Variants in GRIP1 observed in about 807,000 individuals in gnomAD.
GRIP1 encodes glutamate receptor-interacting protein 1.
Under a neutral mutation model 129.9 loss-of-function variants are expected in GRIP1, and 45 were observed. The observed-to-expected ratio is 0.35, with a 90% CI of 0.27 to 0.44. The LOEUF (loss-of-function observed/expected upper bound fraction) is 0.44. GRIP1 is among the 20% of genes least tolerant of loss of function. The probability of loss-of-function intolerance (pLI) is 1.00; values close to 1 mark genes in which losing one functional copy is unlikely to be tolerated. For missense variants in GRIP1, 1,196 were observed against 1,396.8 expected, an observed-to-expected ratio of 0.86 and a Z score of 2.29; for synonymous variants, 530 against 520.8, an observed-to-expected ratio of 1.02 and a Z score of -0.24.
At chr12:66,829,533 A>G (rs1222091621) in intron 1 of GRIP1, among the ~76,000 whole-genome samples, 1 of 152,112 alleles carries the variant, frequency 6.6e-6, no homozygotes, top group Non-Finnish European at 1.5e-5. Context: ...CTAACCCTTG[A>G]TCCTTCCTTT....
At chr12:66,407,730 T>C (rs562584173) in intron 15 of GRIP1, among the ~76,000 whole-genome samples, 1 of 152,264 alleles carries the variant, frequency 6.6e-6, no homozygotes, top group Admixed American at 6.5e-5. Flanking sequence ...CACGCTAAAG[T>C]GTTCTTGGGT....
At chr12:66,700,523 C>A (rs971040100) in intron 1 of GRIP1, among the ~76,000 whole-genome samples, 1 of 151,786 alleles carries the variant, frequency 6.6e-6, no homozygotes, top group Non-Finnish European at 1.5e-5. Flanking sequence ...TCACAGCTCA[C>A]TGCAGCCTCA....
chr12:66,687,800 C>A (rs2034837465), intron 1 of GRIP1, among the ~76,000 whole-genome samples: 1 of 152,150 alleles, frequency 6.6e-6, no homozygotes, highest in Admixed American at 6.5e-5. Flanking sequence ...CCTACGTCTA[C>A]CCCTCCAGGT....
At chr12:66,783,898 AG>A (rs2038235822) in intron 1 of GRIP1, among the ~76,000 whole-genome samples, 1 of 152,188 alleles carries the variant, frequency 6.6e-6, no homozygotes, top group African/African-American at 2.4e-5. Context: ...AACCTGTAGT[AG>A]AACTGAGACA....
At chr12:66,761,556 T>C (rs962611852) in intron 1 of GRIP1, among the ~76,000 whole-genome samples, 20 of 152,266 alleles carry the variant, frequency 1.3e-4, no homozygotes, top group South Asian at 4.1e-4. Context: ...CCCCGTCACA[T>C]TGGAATTGTG....
At chr12:66,463,222 G>T in intron 8 of GRIP1, 129 bp from the exon 9 acceptor site, 1 of 841,688 alleles carries the variant, frequency 1.2e-6, no homozygotes, top group Non-Finnish European at 1.9e-6. Flanking sequence ...AAGTTTGAGT[G>T]TTATAGGAAA....
intron 1 of GRIP1, among the ~76,000 whole-genome samples, chr12:66,798,270 C>T (rs2038758227): frequency 6.6e-6 from 1 of 152,082 alleles, no homozygotes; most frequent in African/African-American, 2.4e-5. Flanking sequence ...ACAGAAATAG[C>T]ATTGAAGGAA....
chr12:67,034,319 C>A (rs1457970944), intron 1 of GRIP1, among the ~76,000 whole-genome samples: 1 of 152,156 alleles, frequency 6.6e-6, no homozygotes, highest in African/African-American at 2.4e-5. Context: ...ATTTCCTAAT[C>A]ATAGTTTGCA....
intron 2 of GRIP1, among the ~76,000 whole-genome samples, chr12:66,576,723 C>T (rs2063150151): frequency 1.3e-5 from 2 of 152,182 alleles, no homozygotes; most frequent in Non-Finnish European, 2.9e-5. Context: ...TAGTACTCTT[C>T]CTCCTCTCCT....
At chr12:66,811,939 T>C (rs1208323493) in intron 1 of GRIP1, among the ~76,000 whole-genome samples, 1 of 152,166 alleles carries the variant, frequency 6.6e-6, no homozygotes, top group Non-Finnish European at 1.5e-5. Context: ...TGCCATGTGA[T>C]TCATCTTTCC....
intron 1 of GRIP1, among the ~76,000 whole-genome samples, chr12:67,048,991 A>AT (rs917293474): frequency 2.0e-5 from 3 of 151,756 alleles, no homozygotes; most frequent in South Asian, 2.1e-4. Flanking sequence ...CACCTGGCTA[A>AT]TTTTTTTTAT....
chr12:66,889,374 T>C (rs1303576544), intron 1 of GRIP1, among the ~76,000 whole-genome samples: 1 of 152,056 alleles, frequency 6.6e-6, no homozygotes, highest in East Asian at 1.9e-4. Context: ...GGCAGGAGAA[T>C]CACTTGAACC....
At chr12:66,473,380 A>G (rs2059501049) in intron 7 of GRIP1, among the ~76,000 whole-genome samples, 1 of 152,232 alleles carries the variant, frequency 6.6e-6, no homozygotes, top group Non-Finnish European at 1.5e-5. Flanking sequence ...ACCTGGGGGA[A>G]GGGGCAGCTA....
At chr12:66,627,130 T>C (rs1331097385) in intron 1 of GRIP1, among the ~76,000 whole-genome samples, 1 of 152,212 alleles carries the variant, frequency 6.6e-6, no homozygotes, top group Non-Finnish European at 1.5e-5. Context: ...TCAGTCAAGG[T>C]AGCTCACACT....
At chr12:66,822,980 A>G (rs188017377) in intron 1 of GRIP1, among the ~76,000 whole-genome samples, 1 of 152,332 alleles carries the variant, frequency 6.6e-6, no homozygotes, top group African/African-American at 2.4e-5. Context: ...AATCTAAAAT[A>G]AAAGTTAAAA....
intron 1 of GRIP1, among the ~76,000 whole-genome samples, chr12:66,774,026 TA>T (rs534892189): frequency 0.083 from 12,119 of 145,590 alleles, 550 homozygotes; most frequent in Non-Finnish European, 0.11. Flanking sequence ...AGATGGGAGT[TA>T]AAAAAAAAAA....
At chr12:66,862,661 T>C (rs912579410) in intron 1 of GRIP1, among the ~76,000 whole-genome samples, 1 of 152,010 alleles carries the variant, frequency 6.6e-6, no homozygotes, top group Non-Finnish European at 1.5e-5. Context: ...TTTTGTAGGA[T>C]CTCTCAGTAG....
intron 1 of GRIP1, among the ~76,000 whole-genome samples, chr12:66,637,483 C>T (rs1239954129): frequency 6.6e-6 from 1 of 151,764 alleles, no homozygotes; most frequent in Non-Finnish European, 1.5e-5. Flanking sequence ...TAAAAATATG[C>T]AAACCCAAAA....
intron 1 of GRIP1, among the ~76,000 whole-genome samples, chr12:66,790,841 G>T (rs1354150175): frequency 6.6e-6 from 1 of 152,048 alleles, no homozygotes; most frequent in Non-Finnish European, 1.5e-5. Flanking sequence ...AGATAGCCCA[G>T]GAAGAATTCA....
Sources: gnomAD v4.1 joint callset for allele counts (sites outside exome capture counted in the v4.1 genomes callset) on GRCh38, gnomAD v4.1.1 for gene constraint, MANE v1.5 for transcripts, NCBI Gene and HGNC (gene_info 2026-07-23, HGNC 2026-07-21) for gene names.